ZHX2: variants seen among roughly 807,000 people sequenced by gnomAD.
ZHX2 encodes the protein zinc fingers and homeoboxes protein 2.
Under a neutral mutation model 21.9 loss-of-function variants are expected in ZHX2, and 6 were observed. That is an observed-to-expected ratio of 0.27 (90% CI 0.15 to 0.54). The LOEUF (loss-of-function observed/expected upper bound fraction) is 0.54. ZHX2 is among the 20% of genes least tolerant of loss of function. ZHX2 has a pLI of 0.95. For missense variants in ZHX2, 908 were observed against 1,090.7 expected (o/e 0.83, Z 2.36); for synonymous variants, 434 against 437.1 (o/e 0.99, Z 0.09).
chr8:122,847,245 TC>T (rs1398457353), intron 1 of ZHX2, among the ~76,000 whole-genome samples: 1 of 151,920 alleles, frequency 6.6e-6, no homozygotes, highest in African/African-American at 2.4e-5. Context: ...TCCCCACCTC[TC>T]CCCCAGCCAG....
intron 1 of ZHX2, among the ~76,000 whole-genome samples, chr8:122,803,797 C>T (rs1043614511): frequency 6.6e-6 from 1 of 152,098 alleles, no homozygotes; most frequent in Non-Finnish European, 1.5e-5. Context: ...GCTTTTGAAA[C>T]TCCCAATGCC....
chr8:122,899,862 A>G (rs1820185670), intron 2 of ZHX2, among the ~76,000 whole-genome samples: 1 of 152,256 alleles, frequency 6.6e-6, no homozygotes, highest in Non-Finnish European at 1.5e-5. Context: ...TAATACAAGC[A>G]TGCTCATAAT....
chr8:122,803,230 G>T (rs1817755323), intron 1 of ZHX2, among the ~76,000 whole-genome samples: 1 of 152,188 alleles, frequency 6.6e-6, no homozygotes, highest in Admixed American at 6.5e-5. Flanking sequence ...TGAGGTAGTA[G>T]TGGTGTGAGC....
At chr8:122,815,975 G>A (rs931632309) in intron 1 of ZHX2, among the ~76,000 whole-genome samples, 6 of 151,180 alleles carry the variant, frequency 4.0e-5, no homozygotes, top group African/African-American at 7.3e-5. Flanking sequence ...AGCTACTAGG[G>A]AGGCTGAGGC....
rs558514472 is a variant in ZHX2 at position 122,791,716 on chromosome 8, T to C, written c.-283+9770T>C. The stretch of plus-strand genomic sequence containing the variant: ...CCCGTCTCTACCAAAAATACAAAAA[T>C]TAGCTGGGCGTGGTGGCACATGCCT... On this transcript the variant is annotated intron_variant, in intron 1 of 3. Coordinates refer to ENST00000314393, the MANE Select transcript of ZHX2 (RefSeq NM_014943.5). Among the ~76,000 whole-genome samples the C allele has an allele frequency of 3.3e-5, 5 of 152,078 alleles. No homozygotes were observed. The South Asian group carries it at 8.3e-4, about 25-fold the overall frequency.
chr8:122,854,072 C>T (rs1479708457), intron 1 of ZHX2, among the ~76,000 whole-genome samples: 1 of 152,186 alleles, frequency 6.6e-6, no homozygotes, highest in Non-Finnish European at 1.5e-5. Context: ...CTCCCGGGCC[C>T]CTGAGGACTG....
At chr8:122,937,271 G>C (rs985439518) in intron 2 of ZHX2, among the ~76,000 whole-genome samples, 4 of 152,238 alleles carry the variant, frequency 2.6e-5, no homozygotes, top group Admixed American at 6.5e-5. Flanking sequence ...CTCCAGGATG[G>C]GGAAGAAGTG....
chr8:122,922,440 C>A (rs1302437623), intron 2 of ZHX2, among the ~76,000 whole-genome samples: 2 of 152,166 alleles, frequency 1.3e-5, no homozygotes, highest in Non-Finnish European at 2.9e-5. Context: ...CTCTGCCCTG[C>A]AGAAAACTCA....
chr8:122,874,877 T>C (rs1214114443), intron 2 of ZHX2, among the ~76,000 whole-genome samples: 1 of 151,100 alleles, frequency 6.6e-6, no homozygotes, highest in East Asian at 2.0e-4. Context: ...CATGGGGCAG[T>C]GGGGACGTTC....
chr8:122,904,963 G>A (rs1207066776), intron 2 of ZHX2, among the ~76,000 whole-genome samples: 1 of 152,108 alleles, frequency 6.6e-6, no homozygotes, highest in Non-Finnish European at 1.5e-5. Flanking sequence ...ATAACCATAT[G>A]GAAATTTTAG....
intron 2 of ZHX2, among the ~76,000 whole-genome samples, chr8:122,918,475 C>T (rs1820657688): frequency 6.6e-6 from 1 of 152,212 alleles, no homozygotes; most frequent in African/African-American, 2.4e-5. Context: ...TCGCCTTTGC[C>T]TTGCCCCTCA....
At chr8:122,956,785 G>T (rs1293410645) in intron 3 of ZHX2, among the ~76,000 whole-genome samples, 1 of 152,190 alleles carries the variant, frequency 6.6e-6, no homozygotes, top group Admixed American at 6.5e-5. Flanking sequence ...TGTATCCCAA[G>T]GTAAGCTCAG....
chr8:122,953,689 G>T lies in ZHX2; in HGVS notation c.2179G>T (p.Val727Phe). 6.2e-7 allele frequency: 1 copy of T among 1,614,238 alleles called. No homozygotes were observed. Among genetic ancestry groups the T allele is most frequent in the Non-Finnish European group, 8.5e-7 (1 of 1,180,044 alleles). ...AESPKNGGDV[V>F]PQYYKDPKKL... The stretch of plus-strand genomic sequence containing the variant: ...GAGCCCAAAGAACGGGGGTGATGTG[G>T]TTCCACAATATTACAAGGACCCCAA... The change falls in exon 3 of 4, where the codon GTT becomes TTT. Residue 727 changes from valine to phenylalanine, a missense_variant. Val to Phe is a conservative substitution (Grantham distance 50, BLOSUM62 -1). Transcript: ENST00000314393. This position sits in a 1 kb window ranked among gnomAD's most constrained non-coding sequence, Gnocchi z 4.6.
chr8:122,974,337 CTGGTG>C lies in ZHX2; in HGVS notation c.*1102_*1106del, dbSNP rs1813809042. On this transcript the variant is annotated 3_prime_UTR_variant, in exon 4 of 4. Coordinates refer to ENST00000314393, the MANE Select transcript of ZHX2 (RefSeq NM_014943.5). ...AAAGAAGGAAAACCAAGAGACATAT[CTGGTG>C]TACGTGTTGCAGTATGAACTCTGGT... The C allele has an allele frequency of 6.6e-6, 1 of 152,532 alleles. No homozygotes were observed. The highest frequency in any genetic ancestry group is 1.5e-5 in the Non-Finnish European group (1 of 68,038). 9.4% of individuals were successfully genotyped at this position (152,532 alleles called of 1,614,324 possible).
In ZHX2 at chr8:122,951,564, A is replaced by G; in HGVS notation, c.54A>G (p.Val18=). ...TTPCMVRTSQ[V]VEQDVPEEVD... ...CATGCATGGTTCGGACATCACAAGT[A>G]GTAGAACAAGATGTGCCCGAGGAAG... The change falls in exon 3 of 4, where the codon GTA becomes GTG. Residue 18 remains valine (V), a synonymous_variant. Coordinates refer to ENST00000314393, the MANE Select transcript of ZHX2 (RefSeq NM_014943.5). The G allele has an allele frequency of 1.2e-6, 2 of 1,613,934 alleles. No homozygotes were observed. Among genetic ancestry groups the G allele is most frequent in the African/African-American group, 2.7e-5 (2 of 75,014 alleles).
In ZHX2 at chr8:122,916,943, A is replaced by C. The variant is rs192903695; in HGVS notation, c.-219-34349A>C. The stretch of plus-strand genomic sequence containing the variant: ...CATGCCTCTGTTCTTTTGCTCATGC[A>C]TTTCTCCTGATTTTCAAGACCCACA... On this transcript the variant is annotated intron_variant, in intron 2 of 3. Coordinates refer to ENST00000314393, the MANE Select transcript of ZHX2 (RefSeq NM_014943.5). 2.6e-5 allele frequency among the ~76,000 whole-genome samples: 4 copies of C among 151,214 alleles called. No individual in the cohort carries two copies. In the East Asian group the frequency reaches 7.8e-4, roughly 30 times the overall value.
At chr8:122,890,136 A>G (rs1310425041) in intron 2 of ZHX2, among the ~76,000 whole-genome samples, 1 of 152,196 alleles carries the variant, frequency 6.6e-6, no homozygotes, top group Non-Finnish European at 1.5e-5. Context: ...ATTTTTATAT[A>G]CAGTGAGAGA....
At chr8:122,941,074 A>G (rs1812832971) in intron 2 of ZHX2, among the ~76,000 whole-genome samples, 1 of 151,944 alleles carries the variant, frequency 6.6e-6, no homozygotes, top group African/African-American at 2.4e-5. Context: ...CTATTAAAAA[A>G]AAAAAAAAAA....
intron 2 of ZHX2, among the ~76,000 whole-genome samples, chr8:122,865,601 T>G (rs1036929372): frequency 1.3e-5 from 2 of 152,184 alleles, no homozygotes; most frequent in East Asian, 3.9e-4. Flanking sequence ...GGAGTCAGAA[T>G]GCCGGATTCC....
Sources: allele counts gnomAD v4.1 joint callset (sites outside exome capture counted in the v4.1 genomes callset), GRCh38; gene constraint gnomAD v4.1.1; non-coding constraint Gnocchi (gnomAD v3.1); transcripts MANE v1.5; gene names NCBI Gene and HGNC (gene_info 2026-07-23, HGNC 2026-07-21).